The following PRKD1 variants were observed in gnomAD, a reference collection of about 807,000 sequenced individuals.
PRKD1 encodes protein kinase D1, also known as serine/threonine-protein kinase D1.
A neutral mutation model predicts 95.9 loss-of-function variants in PRKD1; 63 were observed. The ratio of observed to expected loss-of-function variants is 0.66; its 90% CI spans 0.54 to 0.81. PRKD1 has a LOEUF of 0.81. Among genes scored for constraint, PRKD1 ranks in the 30% least tolerant of loss-of-function variants. The pLI is 0.00. For missense variants in PRKD1, 1,048 were observed against 1,165.3 expected (o/e 0.90, Z 1.47); for synonymous variants, 425 against 423.1 (o/e 1.00, Z -0.05).
chr14:29,806,338 GAGAT>G, intron 1 of PRKD1, among the ~76,000 whole-genome samples: 1 of 152,172 alleles, frequency 6.6e-6, no homozygotes, highest in Non-Finnish European at 1.5e-5. Flanking sequence ...ATCTCATTCT[GAGAT>G]TGGGCAATAG....
intron 1 of PRKD1, among the ~76,000 whole-genome samples, chr14:29,855,903 G>A (rs986522694): frequency 6.6e-6 from 1 of 152,144 alleles, no homozygotes; most frequent in Non-Finnish European, 1.5e-5. Flanking sequence ...CCATGATTGT[G>A]AGGCCTCTAC....
intron 1 of PRKD1, among the ~76,000 whole-genome samples, chr14:29,778,311 A>T (rs965304401): frequency 2.0e-5 from 3 of 152,198 alleles, no homozygotes; most frequent in African/African-American, 7.2e-5. Context: ...GGAGATACAG[A>T]CACAAAAAAC....
chr14:29,799,314 C>T (rs1250412387), intron 1 of PRKD1, among the ~76,000 whole-genome samples: 4 of 152,164 alleles, frequency 2.6e-5, no homozygotes, highest in Admixed American at 2.6e-4. Context: ...AAACAAATTG[C>T]TTCCCTACTA....
intron 4 of PRKD1, among the ~76,000 whole-genome samples, chr14:29,660,541 G>A (rs1037768942): frequency 6.6e-6 from 1 of 151,928 alleles, no homozygotes; most frequent in Non-Finnish European, 1.5e-5. Context: ...TATTTTATTC[G>A]GCTTTTATCA....
intron 13 of PRKD1, among the ~76,000 whole-genome samples, chr14:29,617,359 G>A (rs1878938325): frequency 6.6e-6 from 1 of 152,144 alleles, no homozygotes; most frequent in Non-Finnish European, 1.5e-5. Flanking sequence ...CCCAGCCATT[G>A]TTCTGTTTTT....
chr14:29,578,618 T>C (rs1892651012), intron 16 of PRKD1, among the ~76,000 whole-genome samples: 1 of 150,936 alleles, frequency 6.6e-6, no homozygotes, highest in African/African-American at 2.4e-5. Context: ...GTCTATTGTA[T>C]GATATGAATT....
chr14:29,641,369 C>A (rs975303886), intron 4 of PRKD1, among the ~76,000 whole-genome samples: 8 of 152,252 alleles, frequency 5.3e-5, no homozygotes, highest in Non-Finnish European at 8.8e-5. Context: ...TGAAATATGT[C>A]ATTATTTTCA....
chr14:29,629,280 T>G (rs1395169629), intron 10 of PRKD1, among the ~76,000 whole-genome samples, 187 bp from the exon 11 acceptor site: 1 of 152,238 alleles, frequency 6.6e-6, no homozygotes, highest in East Asian at 1.9e-4. Flanking sequence ...TCAACATACT[T>G]GTTTTTGAAA....
At chr14:29,760,628 C>T (rs1262096070) in intron 1 of PRKD1, among the ~76,000 whole-genome samples, 1 of 152,106 alleles carries the variant, frequency 6.6e-6, no homozygotes, top group African/African-American at 2.4e-5. Context: ...GCTGGGATTA[C>T]AGGCGTGAGC....
rs45578435 is a variant in PRKD1 at position 29,668,286 on chromosome 14, G to A, written c.404-2078C>T. ...AATGCTGTAATTCCATTTCATTTAA[G>A]TTTAGGAATCAAAATGGACAGATAA... is the stretch of plus-strand genomic sequence containing the variant. On this transcript the variant is annotated intron_variant, in intron 2 of 17. Transcript: ENST00000331968. 1.7e-3 allele frequency among the ~76,000 whole-genome samples: 266 copies of A among 152,252 alleles called. 5 individuals carry two copies. The East Asian group carries it at 0.041, about 23-fold the overall frequency.
intron 1 of PRKD1, among the ~76,000 whole-genome samples, chr14:29,831,057 C>T (rs8010036): frequency 0.086 from 13,143 of 152,116 alleles, 1,149 homozygotes; most frequent in East Asian, 0.21. Context: ...ATAATTAATT[C>T]GGTTCATGAA....
chr14:29,604,726 G>C (rs576530776), intron 13 of PRKD1, among the ~76,000 whole-genome samples: 15 of 152,184 alleles, frequency 9.9e-5, no homozygotes, highest in African/African-American at 3.4e-4. Flanking sequence ...TTATTAAAGG[G>C]AAACAGACTA....
intron 2 of PRKD1, among the ~76,000 whole-genome samples, chr14:29,669,479 A>G (rs1882717499): frequency 6.6e-6 from 1 of 152,096 alleles, no homozygotes. Flanking sequence ...TGTCTAGAAT[A>G]TTGAAAATAG....
chr14:29,856,355 T>C (rs926891060), intron 1 of PRKD1, among the ~76,000 whole-genome samples: 26 of 152,244 alleles, frequency 1.7e-4, no homozygotes, highest in African/African-American at 6.0e-4. Context: ...CAGCCAATTG[T>C]TGAAATACTT....
chr14:29,693,004 C>T lies in PRKD1; in HGVS notation c.404-26796G>A, dbSNP rs146470011. 5.6e-3 allele frequency among the ~76,000 whole-genome samples: 845 copies of T among 152,190 alleles called. 6 individuals carry two copies. Among genetic ancestry groups the T allele is most frequent in the African/African-American group, 0.019 (796 of 41,544 alleles). ...TTCTATGGCCTTGACATTTCCTAAACGATTGCTCAGTAATACAATGCGTGA... is the reference window on the plus strand; with the variant it reads ...TTCTATGGCCTTGACATTTCCTAAATGATTGCTCAGTAATACAATGCGTGA... On this transcript the variant is annotated intron_variant, in intron 2 of 17. Coordinates refer to ENST00000331968, the MANE Select transcript of PRKD1 (RefSeq NM_002742.3).
intron 1 of PRKD1, among the ~76,000 whole-genome samples, chr14:29,923,607 A>T (rs1213780708): frequency 6.6e-6 from 1 of 152,208 alleles, no homozygotes. Flanking sequence ...CTATCTACTT[A>T]AAATCTCACT....
Position 29,577,386 on chromosome 14 carries a change from C to A in PRKD1, c.2591G>T (p.Ser864Ile). ...KIGERYITHESDDLRWEKYAG... is the reference protein window; with the variant it reads ...KIGERYITHEIDDLRWEKYAG... ...ATACTTCTCCCACCTCAGGTCATCA[C>A]TTTCATGGGTGATGTAGCGCTCCCC... The change falls in exon 18 of 18, where the codon AGT becomes ATT. Residue 864 changes from serine (S) to isoleucine (I), a missense_variant. Physicochemically the swap from Ser to Ile is moderately radical, Grantham distance 142 (BLOSUM62 -2). Around this residue, in one of 3 missense-constraint regions of PRKD1, gnomAD observed 739 missense variants for 861.9 expected, o/e 0.86. Coordinates refer to ENST00000331968, the MANE Select transcript of PRKD1 (RefSeq NM_002742.3). 1 of 1,613,824 alleles carries A rather than the reference C, an allele frequency of 6.2e-7. No individual in the cohort carries two copies. Among genetic ancestry groups the A allele is most frequent in the Non-Finnish European group, 8.5e-7 (1 of 1,179,826 alleles).
At chr14:29,850,437 A>C (rs1412834628) in intron 1 of PRKD1, among the ~76,000 whole-genome samples, 2 of 148,330 alleles carry the variant, frequency 1.3e-5, no homozygotes, top group African/African-American at 5.1e-5. Flanking sequence ...CAAATCAAGA[A>C]AGCAACCCCA....
At chr14:29,801,285 G>A in intron 1 of PRKD1, among the ~76,000 whole-genome samples, 1 of 152,150 alleles carries the variant, frequency 6.6e-6, no homozygotes, top group Non-Finnish European at 1.5e-5. Context: ...TCTACTTAAA[G>A]CTTACTGAAT....
Sources: allele counts gnomAD v4.1 joint callset (sites outside exome capture counted in the v4.1 genomes callset), GRCh38; gene constraint gnomAD v4.1.1; regional missense constraint gnomAD v4.1.1; transcripts MANE v1.5; gene names NCBI Gene and HGNC (gene_info 2026-07-23, HGNC 2026-07-21).